PSD3: variants seen among roughly 807,000 people sequenced by gnomAD.
The protein encoded by PSD3 is pleckstrin and Sec7 domain containing 3, also known as PH and SEC7 domain-containing protein 3.
In PSD3, 49 loss-of-function variants were observed where a neutral mutation model predicts 105.5. The ratio of observed to expected loss-of-function variants is 0.46; its 90% CI spans 0.37 to 0.59. The LOEUF (loss-of-function observed/expected upper bound fraction) is 0.59. PSD3 is among the 20% of genes least tolerant of loss of function. PSD3 has a pLI of 0.00. For synonymous variants in PSD3, 557 were observed against 457.8 expected, an observed-to-expected ratio of 1.22 and a Z score of -2.77; for missense variants, 1,561 against 1,263.8, an observed-to-expected ratio of 1.24 and a Z score of -3.57.
chr8:19,022,425 A>C (rs914922398), intron 1 of PSD3, among the ~76,000 whole-genome samples: 1 of 151,910 alleles, frequency 6.6e-6, no homozygotes, highest in Non-Finnish European at 1.5e-5. Flanking sequence ...CTCCATGCCA[A>C]CTCTATTGCA....
intron 1 of PSD3, among the ~76,000 whole-genome samples, chr8:18,968,088 A>G (rs1824395630): frequency 6.6e-6 from 1 of 152,222 alleles, no homozygotes; most frequent in Admixed American, 6.5e-5. Context: ...AGATTTATAA[A>G]CAGAAATTTA....
At chr8:18,807,586 A>T (rs1471592751) in intron 4 of PSD3, among the ~76,000 whole-genome samples, 2 of 152,044 alleles carry the variant, frequency 1.3e-5, no homozygotes, top group Non-Finnish European at 2.9e-5. Context: ...AGTTATTAAA[A>T]CTCTAAGTCA....
At chr8:18,858,535 C>A (rs1194061652) in intron 4 of PSD3, among the ~76,000 whole-genome samples, 1 of 152,122 alleles carries the variant, frequency 6.6e-6, no homozygotes, top group African/African-American at 2.4e-5. Context: ...GCTGCTTGAT[C>A]ATCTTTTACC....
intron 8 of PSD3, among the ~76,000 whole-genome samples, chr8:18,781,691 G>C (rs1808639289): frequency 6.6e-6 from 1 of 152,086 alleles, no homozygotes; most frequent in East Asian, 1.9e-4. Flanking sequence ...AGGCCTTTCA[G>C]GGTAGAATAT....
chr8:18,696,101 T>C (rs1435529047), intron 9 of PSD3, among the ~76,000 whole-genome samples: 5 of 152,216 alleles, frequency 3.3e-5, no homozygotes, highest in Non-Finnish European at 7.4e-5. Flanking sequence ...AGACAGGACC[T>C]GCATCTGAGG....
intron 2 of PSD3, among the ~76,000 whole-genome samples, chr8:18,889,495 T>A (rs951114457): frequency 6.6e-6 from 1 of 152,136 alleles, no homozygotes; most frequent in African/African-American, 2.4e-5. Flanking sequence ...GCCATCCCTA[T>A]AGCCCAAAGC....
intron 9 of PSD3, among the ~76,000 whole-genome samples, chr8:18,694,589 A>C (rs1801157829): frequency 2.0e-5 from 3 of 149,124 alleles, no homozygotes; most frequent in Admixed American, 2.0e-4. Flanking sequence ...CAGCCTGGGC[A>C]ACAGAGTGAG....
chr8:18,762,583 A>G (rs920259673), intron 9 of PSD3, among the ~76,000 whole-genome samples: 3 of 152,190 alleles, frequency 2.0e-5, no homozygotes, highest in East Asian at 3.9e-4. Context: ...TTTCACTTTT[A>G]TTACACATAT....
chr8:18,824,109 G>A (rs1812980469), intron 4 of PSD3, among the ~76,000 whole-genome samples: 1 of 152,146 alleles, frequency 6.6e-6, no homozygotes, highest in Non-Finnish European at 1.5e-5. Flanking sequence ...GGACTTTGAG[G>A]CTACAATCAG....
intron 2 of PSD3, among the ~76,000 whole-genome samples, chr8:18,895,075 T>A (rs1348781560): frequency 6.6e-6 from 1 of 152,170 alleles, no homozygotes; most frequent in Admixed American, 6.5e-5. Flanking sequence ...AAAACAGGAA[T>A]CCTGCACTGA....
intron 11 of PSD3, among the ~76,000 whole-genome samples, chr8:18,601,761 T>A (rs1248304904): frequency 6.6e-6 from 1 of 152,022 alleles, no homozygotes; most frequent in Non-Finnish European, 1.5e-5. Context: ...TAACCATACA[T>A]CACATATAAA....
At chr8:19,050,312 G>A (rs202068897) in intron 1 of PSD3, among the ~76,000 whole-genome samples, 4 of 140,506 alleles carry the variant, frequency 2.8e-5, no homozygotes, top group East Asian at 3.9e-4. Context: ...CCATATCCCC[G>A]CCTGTCAAGG....
chr8:18,918,654 A>G (rs1439152077), intron 2 of PSD3, among the ~76,000 whole-genome samples: 1 of 152,214 alleles, frequency 6.6e-6, no homozygotes, highest in Non-Finnish European at 1.5e-5. Context: ...GCCTGTTCCC[A>G]GTACATCAGC....
rs1051839067 is a variant in PSD3, at chr8:18,603,541, G to A, written c.2411-3107C>T. Among the ~76,000 whole-genome samples the A allele has an allele frequency of 2.0e-5, 3 of 152,254 alleles. No homozygotes were observed. The East Asian group carries it at 5.8e-4, about 29-fold the overall frequency. ...CATTAAAAATTCCAAGTTGATAACTGCTTTTTCTTATGAAGACATTATTTC... is the reference window on the plus strand; with the variant it reads ...CATTAAAAATTCCAAGTTGATAACTACTTTTTCTTATGAAGACATTATTTC... On this transcript the variant is annotated intron_variant, in intron 11 of 15. Transcript: ENST00000327040.
intron 1 of PSD3, among the ~76,000 whole-genome samples, chr8:19,062,743 C>A (rs1828946750): frequency 1.3e-5 from 2 of 152,254 alleles, no homozygotes; most frequent in South Asian, 4.1e-4. Context: ...TTGGGAAACG[C>A]TACATTACAT....
intron 1 of PSD3, among the ~76,000 whole-genome samples, chr8:18,972,097 T>G (rs999482206): frequency 2.6e-5 from 4 of 152,202 alleles, no homozygotes; most frequent in African/African-American, 9.7e-5. Context: ...TCTTACTAAT[T>G]CAAATAATAA....
chr8:18,749,658 G>A (rs934674133), intron 9 of PSD3, among the ~76,000 whole-genome samples: 5 of 152,164 alleles, frequency 3.3e-5, no homozygotes, highest in Admixed American at 6.5e-5. Flanking sequence ...CAGGCACTCA[G>A]AAGATGCACC....
intron 9 of PSD3, among the ~76,000 whole-genome samples, chr8:18,753,914 A>G (rs1805807890): frequency 6.6e-6 from 1 of 152,136 alleles, no homozygotes; most frequent in African/African-American, 2.4e-5. Context: ...TCTCTTCAAA[A>G]CAACTCCAGA....
chr8:18,758,876 G>A (rs952174129), intron 9 of PSD3, among the ~76,000 whole-genome samples: 2 of 152,226 alleles, frequency 1.3e-5, no homozygotes, highest in South Asian at 2.1e-4. Context: ...TGTCTCCTAA[G>A]AGAATCTTGC....
Sources: gnomAD v4.1 joint callset for allele counts (sites outside exome capture counted in the v4.1 genomes callset) on GRCh38, gnomAD v4.1.1 for gene constraint, MANE v1.5 for transcripts, NCBI Gene and HGNC (gene_info 2026-07-23, HGNC 2026-07-21) for gene names.